HKDC1: variants seen among roughly 807,000 people sequenced by gnomAD.
HKDC1 encodes hexokinase HKDC1.
Under a neutral mutation model 96.6 loss-of-function variants are expected in HKDC1, and 66 were observed. The ratio of observed to expected loss-of-function variants is 0.68; its 90% CI spans 0.56 to 0.84. HKDC1 has a LOEUF of 0.84. HKDC1 is among the 40% of genes least tolerant of loss of function. HKDC1 has a pLI of 0.00. For synonymous variants in HKDC1, 466 were observed against 473.1 expected (o/e 0.98, Z 0.20); for missense variants, 1,211 against 1,208.1 (o/e 1.00, Z -0.04).
intron 14 of HKDC1, 70 bp from the exon 15 acceptor site, chr10:69,258,706 T>C: frequency 6.8e-7 from 1 of 1,477,264 alleles, no homozygotes; most frequent in Non-Finnish European, 9.5e-7. Context: ...TCTTATTTGC[T>C]GCACTCTGCC....
At chr10:69,234,553 C>T (rs1379119204) in intron 4 of HKDC1, among the ~76,000 whole-genome samples, 3 of 152,240 alleles carry the variant, frequency 2.0e-5, no homozygotes, top group Non-Finnish European at 4.4e-5. Flanking sequence ...TTGTGTCCCA[C>T]CTTGTTTTCT....
chr10:69,242,130 C>G (rs1464568507), intron 6 of HKDC1, among the ~76,000 whole-genome samples: 1 of 152,188 alleles, frequency 6.6e-6, no homozygotes, highest in Admixed American at 6.5e-5. Context: ...TAATGTCCCT[C>G]AAGACCCTCC....
intron 12 of HKDC1, among the ~76,000 whole-genome samples, chr10:69,250,987 G>A (rs1015582748): frequency 6.6e-6 from 1 of 151,674 alleles, no homozygotes; most frequent in African/African-American, 2.4e-5. Context: ...GCAGTAATAC[G>A]ATCTGTGTCT....
intron 2 of HKDC1, 30 bp from the exon 3 acceptor site, chr10:69,232,734 T>A (rs1401267046): frequency 6.8e-6 from 11 of 1,610,538 alleles, no homozygotes; most frequent in Non-Finnish European, 9.3e-6. Context: ...AGACCCTCAA[T>A]AAATGGAAAC....
Position 69,248,630 on chromosome 10 carries a change from T to A in HKDC1, c.1472T>A (p.Met491Lys), listed in dbSNP as rs764872830. The A allele has an allele frequency of 1.2e-6, 2 of 1,614,058 alleles. No individual in the cohort carries two copies. The highest frequency in any genetic ancestry group is 1.7e-6 in the Non-Finnish European group (2 of 1,180,018). Residue 491 changes from methionine (M) to lysine (K), a missense_variant, in exon 10 of 18, where the codon ATG becomes AAG. Physicochemically the swap from Met to Lys is moderately conservative, Grantham distance 95. Coordinates refer to ENST00000354624, the MANE Select transcript of HKDC1 (RefSeq NM_025130.4). ...CAGCTCGTGGACGTGCAGGCCAAGA[T>A]GCGGGCTGAGCTGGAGTATGGGCTG... ...REQLVDVQAK[M>K]RAELEYGLKK...
At chr10:69,258,644 A>G in intron 14 of HKDC1, 132 bp from the exon 15 acceptor site, 1 of 885,670 alleles carries the variant, frequency 1.1e-6, no homozygotes, top group Non-Finnish European at 1.8e-6. Context: ...TTAGCCAGCT[A>G]TGACTGTAAA....
rs1038840704 is a variant in HKDC1 at position 69,232,769 on chromosome 10, G to T, written c.232G>T (p.Gly78Trp). Reference protein sequence around the residue: ...VRAIPDGSENGEFLSLDLGGS... With the variant: ...VRAIPDGSENWEFLSLDLGGS... ...CTGAATTTGTTTCTTAATAGAAAAT[G>T]GGGAGTTCCTTTCCCTGGATCTCGG... The change falls in exon 3 of 18, where the codon GGG (glycine) becomes TGG (tryptophan). Residue 78 changes from glycine (G) to tryptophan (W), a missense_variant. By Grantham distance (184) the Gly-to-Trp change is radical. Transcript: ENST00000354624. 2 of 1,613,972 alleles carry T rather than the reference G, an allele frequency of 1.2e-6. No individual in the cohort carries two copies. The highest frequency in any genetic ancestry group is 1.7e-6 in the Non-Finnish European group (2 of 1,179,886).
chr10:69,223,255 A>C (rs927458106), intron 1 of HKDC1: 13 of 152,222 alleles, frequency 8.5e-5, no homozygotes, highest in African/African-American at 2.9e-4. Flanking sequence ...AAAAGTGGAA[A>C]TGTTACTTGT....
chr10:69,264,231 G>A (rs1271581685), intron 16 of HKDC1, among the ~76,000 whole-genome samples: 5 of 116,998 alleles, frequency 4.3e-5, no homozygotes, highest in East Asian at 2.4e-4. Flanking sequence ...GTGTGTGTGT[G>A]TGTGTGTGTG....
At chr10:69,244,224 C>T (rs928570744) in intron 7 of HKDC1, among the ~76,000 whole-genome samples, 3 of 152,208 alleles carry the variant, frequency 2.0e-5, no homozygotes, top group Admixed American at 6.5e-5. Context: ...CATGTTCCAT[C>T]ACTCTTTAAG....
At chr10:69,264,143 C>T (rs1169733111) in intron 16 of HKDC1, among the ~76,000 whole-genome samples, 1 of 151,630 alleles carries the variant, frequency 6.6e-6, no homozygotes, top group Non-Finnish European at 1.5e-5. Context: ...GAAACTCCGC[C>T]TCAAAAAGAA....
Position 69,248,636 on chromosome 10 carries a change from C to T in HKDC1, c.1478C>T (p.Ala493Val), listed in dbSNP as rs1843585243. 1.2e-6 allele frequency: 2 copies of T among 1,614,178 alleles called. No homozygotes were observed. The highest frequency in any genetic ancestry group is 1.7e-6 in the Non-Finnish European group (2 of 1,180,034). Residue 493 changes from alanine (A) to valine (V), a missense_variant, in exon 10 of 18, where the codon GCT (alanine) becomes GTT (valine). Transcript: ENST00000354624. Reference protein sequence around the residue: ...QLVDVQAKMRAELEYGLKKKS... With the variant: ...QLVDVQAKMRVELEYGLKKKS... The stretch of plus-strand genomic sequence containing the variant: ...GTGGACGTGCAGGCCAAGATGCGGG[C>T]TGAGCTGGAGTATGGGCTGAAGAAG...
At chr10:69,222,586 C>T (rs183822618) in intron 1 of HKDC1, among the ~76,000 whole-genome samples, 53 of 152,280 alleles carry the variant, frequency 3.5e-4, no homozygotes, top group African/African-American at 1.2e-3. Context: ...TAGGATCATG[C>T]GGGACATGTT....
intron 12 of HKDC1, among the ~76,000 whole-genome samples, chr10:69,253,266 T>C (rs771448141): frequency 1.3e-5 from 2 of 152,114 alleles, no homozygotes; most frequent in Admixed American, 1.3e-4. Context: ...TGAGTGAGGC[T>C]GGGCCTTTGC....
Position 69,247,571 on chromosome 10 carries a change from A to T in HKDC1, c.1243A>T (p.Thr415Ser), listed in dbSNP as rs1843561831. 1.9e-6 allele frequency: 3 copies of T among 1,614,054 alleles called. No homozygotes were observed. In the East Asian group the frequency reaches 6.7e-5, roughly 36 times the overall value. Reference sequence around the variant, plus strand: ...CCGGACCACAGTGGGCATGGACGGCACCCTCTACAAGATACACCCTCAGTG... The same window carrying T: ...CCGGACCACAGTGGGCATGGACGGCTCCCTCTACAAGATACACCCTCAGTG... ...RLRTTVGMDGTLYKIHPQYPK... is the reference protein window; with the variant it reads ...RLRTTVGMDGSLYKIHPQYPK... Residue 415 changes from threonine (T) to serine (S), a missense_variant, in exon 9 of 18, where the codon ACC becomes TCC. Transcript: ENST00000354624.
rs1257960897 is a variant in HKDC1, at chr10:69,267,542, T to A, written c.*785T>A. ...AGTAAATTAATAAAAAAATTTTGAT[T>A]TTCCAATAAACTTTGCATGAAGTGG... is the stretch of plus-strand genomic sequence containing the variant. On this transcript the variant is annotated 3_prime_UTR_variant, in exon 18 of 18. Coordinates refer to ENST00000354624, the MANE Select transcript of HKDC1 (RefSeq NM_025130.4). The A allele has an allele frequency of 2.2e-6, 1 of 450,680 alleles. No homozygotes were observed. The highest frequency in any genetic ancestry group is 1.6e-5 in the South Asian group (1 of 62,734). 27.9% of individuals were successfully genotyped at this position (450,680 alleles called of 1,614,324 possible).
chr10:69,242,438 A>C (rs973201652), intron 6 of HKDC1, among the ~76,000 whole-genome samples: 1 of 151,196 alleles, frequency 6.6e-6, no homozygotes, highest in African/African-American at 2.4e-5. Context: ...AGAAAAAAAA[A>C]AAAAAAAAAA....
intron 5 of HKDC1, among the ~76,000 whole-genome samples, chr10:69,240,187 TG>T (rs1479484348): frequency 6.6e-6 from 1 of 152,124 alleles, no homozygotes; most frequent in Admixed American, 6.6e-5. Context: ...GATGTGTGCC[TG>T]TAGTCTCAGC....
At chr10:69,227,779 C>T (rs531253957) in intron 2 of HKDC1, among the ~76,000 whole-genome samples, 2 of 152,324 alleles carry the variant, frequency 1.3e-5, no homozygotes, top group South Asian at 4.1e-4. Flanking sequence ...ATTAACCACT[C>T]ACTCCGTGGG....
Sources: gnomAD v4.1 joint callset for allele counts (sites outside exome capture counted in the v4.1 genomes callset) on GRCh38, gnomAD v4.1.1 for gene constraint, MANE v1.5 for transcripts, NCBI Gene and HGNC (gene_info 2026-07-23, HGNC 2026-07-21) for gene names.